The following ZNF536 variants were observed in gnomAD, a reference collection of about 807,000 sequenced individuals.
ZNF536 encodes zinc finger protein 536.
Under a neutral mutation model 84.5 loss-of-function variants are expected in ZNF536, and 13 were observed. The observed-to-expected ratio is 0.15, with a 90% confidence interval of 0.10 to 0.24. ZNF536 has a LOEUF of 0.24. ZNF536 is among the 10% of genes least tolerant of loss of function. ZNF536 has a pLI of 1.00. For synonymous variants in ZNF536, 811 were observed against 742.5 expected, an observed-to-expected ratio of 1.09 and a Z score of -1.50; for missense variants, 1,536 against 1,747.5, an observed-to-expected ratio of 0.88 and a Z score of 2.16.
At chr19:30,672,559 T>C (rs2050597792) in intron 1 of ZNF536, among the ~76,000 whole-genome samples, 1 of 152,196 alleles carries the variant, frequency 6.6e-6, no homozygotes, top group Non-Finnish European at 1.5e-5. Flanking sequence ...ATCTTCTTTG[T>C]AGTGATGTTT....
intron 1 of ZNF536, among the ~76,000 whole-genome samples, chr19:30,683,548 C>A (rs12610817): frequency 0.042 from 6,337 of 151,482 alleles, 169 homozygotes; most frequent in Middle Eastern, 0.078. Flanking sequence ...ATAACCTGAG[C>A]GGATTTTTTT....
chr19:30,446,836 CAACAA>C (rs1568441140), intron 2 of ZNF536, among the ~76,000 whole-genome samples: 16 of 146,474 alleles, frequency 1.1e-4, no homozygotes, highest in African/African-American at 4.0e-4. Flanking sequence ...ACAACAACAA[CAACAA>C]AACACGCTAG....
intron 1 of ZNF536, among the ~76,000 whole-genome samples, chr19:30,636,101 T>G (rs553952932): frequency 6.6e-6 from 1 of 152,336 alleles, no homozygotes; most frequent in South Asian, 2.1e-4. Flanking sequence ...CTTTGGAATC[T>G]TGCTTGGTGG....
chr19:30,406,464 A>T (rs2050265857), intron 1 of ZNF536, among the ~76,000 whole-genome samples: 2 of 152,150 alleles, frequency 1.3e-5, no homozygotes, highest in Non-Finnish European at 1.5e-5. Flanking sequence ...TTTGGCCAGG[A>T]GACTGCAGGC....
At chr19:30,534,396 G>A (rs1019709564) in intron 2 of ZNF536, among the ~76,000 whole-genome samples, 3 of 152,160 alleles carry the variant, frequency 2.0e-5, no homozygotes, top group Non-Finnish European at 4.4e-5. Flanking sequence ...GCATGTCTTA[G>A]GGACTCAGCT....
chr19:30,517,316 A>G (rs141130638), intron 2 of ZNF536, among the ~76,000 whole-genome samples: 278 of 152,246 alleles, frequency 1.8e-3, no homozygotes, highest in African/African-American at 6.4e-3. Context: ...GAGATTATTA[A>G]GGCCGTTTTT....
At chr19:30,508,759 C>T (rs1369942320) in intron 2 of ZNF536, among the ~76,000 whole-genome samples, 1 of 151,118 alleles carries the variant, frequency 6.6e-6, no homozygotes, top group African/African-American at 2.4e-5. Flanking sequence ...GGTGCCCTTC[C>T]TTAGTGACTA....
At chr19:30,643,184 C>G (rs763437938) in intron 1 of ZNF536, among the ~76,000 whole-genome samples, 1 of 152,206 alleles carries the variant, frequency 6.6e-6, no homozygotes, top group African/African-American at 2.4e-5. Flanking sequence ...GTTCATGAAT[C>G]TATCCATTCC....
chr19:30,646,450 G>A (rs12972537), intron 1 of ZNF536, among the ~76,000 whole-genome samples: 4 of 152,040 alleles, frequency 2.6e-5, no homozygotes, highest in African/African-American at 9.7e-5. Context: ...AGGTGTGAAG[G>A]TGTGCTCATG....
At chr19:30,702,592 G>A (rs1395450028) in intron 1 of ZNF536, among the ~76,000 whole-genome samples, 1 of 152,016 alleles carries the variant, frequency 6.6e-6, no homozygotes, top group Admixed American at 6.6e-5. Context: ...CTTCTCCCAC[G>A]GAACGAGGGC....
rs561475621 is a variant in ZNF536, at chr19:30,543,548, G to A, written c.2324-4395G>A. The stretch of plus-strand genomic sequence containing the variant: ...TTTTGGCATGGATCTGGCCATGTCC[G>A]GAGGCCTGGGATTTGCTAGAGTTAG... On this transcript the variant is annotated intron_variant, in intron 3 of 4. Transcript: ENST00000355537. 2.3e-3 allele frequency among the ~76,000 whole-genome samples: 349 copies of A among 152,342 alleles called. 1 individual carries two copies. The highest frequency in any genetic ancestry group is 0.01 in the Middle Eastern group (3 of 294).
At position 30,443,932 on chromosome 19, in the gene ZNF536, G is replaced by T. The variant is rs896581213; in HGVS notation, c.370G>T (p.Ala124Ser). Residue 124 changes from alanine to serine, a missense_variant, in exon 2 of 5, where the codon GCC becomes TCC. By Grantham distance (99) the Ala-to-Ser change is moderately conservative. Around this residue, in one of 8 missense-constraint regions of ZNF536, gnomAD observed 161 missense variants for 178.5 expected, o/e 0.90. Coordinates refer to ENST00000355537, the MANE Select transcript of ZNF536 (RefSeq NM_014717.3). ...MSQMSDIEDD[A>S]RKNRKYPCPL... ...CCAGATGAGCGACATCGAGGACGACGCCCGCAAGAACCGCAAGTACCCGTG... is the reference window on the plus strand; with the variant it reads ...CCAGATGAGCGACATCGAGGACGACTCCCGCAAGAACCGCAAGTACCCGTG... The T allele has an allele frequency of 1.2e-6, 2 of 1,613,646 alleles. No individual in the cohort carries two copies. The highest frequency in any genetic ancestry group is 1.7e-6 in the Non-Finnish European group (2 of 1,180,018).
intron 1 of ZNF536, among the ~76,000 whole-genome samples, chr19:30,680,768 A>G (rs1253305630): frequency 1.3e-5 from 2 of 152,174 alleles, no homozygotes; most frequent in Non-Finnish European, 2.9e-5. Flanking sequence ...GTATATACCC[A>G]GTAATGGGAT....
intron 2 of ZNF536, among the ~76,000 whole-genome samples, chr19:30,307,322 C>T (rs1297744042): frequency 2.7e-5 from 4 of 149,848 alleles, no homozygotes; most frequent in East Asian, 2.0e-4. Context: ...CTAAATGAGG[C>T]GTGGCCACTG....
At chr19:30,658,986 A>C (rs1172052952) in intron 1 of ZNF536, among the ~76,000 whole-genome samples, 1 of 152,210 alleles carries the variant, frequency 6.6e-6, no homozygotes. Context: ...GCAGTTTGTC[A>C]GCTCTCAGGT....
chr19:30,469,988 G>C (rs191196730), intron 2 of ZNF536, among the ~76,000 whole-genome samples: 1 of 152,352 alleles, frequency 6.6e-6, no homozygotes, highest in African/African-American at 2.4e-5. Flanking sequence ...TGGTCTCCAG[G>C]GGGAGAGATG....
At chr19:30,433,331 C>A (rs746955746) in intron 1 of ZNF536, among the ~76,000 whole-genome samples, 1 of 152,206 alleles carries the variant, frequency 6.6e-6, no homozygotes, top group East Asian at 1.9e-4. Flanking sequence ...ATCTTCCCCC[C>A]ACTTCCCCAA....
chr19:30,359,630 T>C (rs1403846065), intron 3 of ZNF536, among the ~76,000 whole-genome samples: 2 of 152,196 alleles, frequency 1.3e-5, no homozygotes, highest in Non-Finnish European at 2.9e-5. Flanking sequence ...ATCCTATCAA[T>C]GTCGGCAGTG....
chr19:30,562,085 A>T (rs2046189986), downstream of ZNF536, among the ~76,000 whole-genome samples: 1 of 152,178 alleles, frequency 6.6e-6, no homozygotes, highest in African/African-American at 2.4e-5. Context: ...ATCATGTTCC[A>T]AGGAGCTTAG....
Sources: allele counts gnomAD v4.1 joint callset (sites outside exome capture counted in the v4.1 genomes callset), GRCh38; gene constraint gnomAD v4.1.1; regional missense constraint gnomAD v4.1.1; transcripts MANE v1.5; gene names NCBI Gene and HGNC (gene_info 2026-07-23, HGNC 2026-07-21).